The following PPP2R5C variants were observed in gnomAD, a reference collection of about 807,000 sequenced individuals.
PPP2R5C encodes protein phosphatase 2 regulatory subunit B'gamma, also known as serine/threonine-protein phosphatase 2A 56 kDa regulatory subunit gamma isoform.
A neutral mutation model predicts 68.9 loss-of-function variants in PPP2R5C; 7 were observed. The observed-to-expected ratio is 0.10, with a 90% confidence interval of 0.06 to 0.19. PPP2R5C has a LOEUF of 0.19. Ranked by LOEUF, PPP2R5C falls within the 10% of genes least tolerant of loss-of-function variation. PPP2R5C has a pLI of 1.00. For synonymous variants in PPP2R5C, 210 were observed against 222.2 expected (o/e 0.95, Z 0.49); for missense variants, 348 against 641.3 (o/e 0.54, Z 4.94).
At position 101,801,300 on chromosome 14, in the gene PPP2R5C, G is replaced by A. The variant is rs1376542481; in HGVS notation, c.259+15117G>A. Among the ~76,000 whole-genome samples, 3 of 152,074 alleles carry A rather than the reference G, an allele frequency of 2.0e-5. No individual in the cohort carries two copies. The East Asian group carries it at 5.8e-4, about 29-fold the overall frequency. ...CCTGGTCATTACACATTGTTAACAG[G>A]CATCAAAATATCACATGTCCCCTCC... On this transcript the variant is annotated intron_variant, in intron 3 of 14. Coordinates refer to the PPP2R5C transcript ENST00000328724.
intron 1 of PPP2R5C, among the ~76,000 whole-genome samples, chr14:101,848,207 A>G (rs1488247617): frequency 6.6e-6 from 1 of 152,192 alleles, no homozygotes; most frequent in African/African-American, 2.4e-5. Context: ...TAAATTCTTC[A>G]GCATGACACA....
chr14:101,901,710 C>A lies in PPP2R5C; in HGVS notation c.853-9C>A, dbSNP rs574420061. ...GCATCAGTCACTCCACGTGTCATTT[C>A]TTTTGTAGGTGGTGATGGCACTTCT... On this transcript the variant is annotated splice_polypyrimidine_tract_variant and intron_variant, in intron 8 of 13. Coordinates refer to ENST00000334743, the Ensembl canonical transcript of PPP2R5C. The A allele has an allele frequency of 1.9e-6, 3 of 1,612,756 alleles. No homozygotes were observed. Among genetic ancestry groups the A allele is most frequent in the South Asian group, 2.2e-5 (2 of 91,034 alleles).
intron 3 of PPP2R5C, 132 bp from the exon 6 acceptor site, chr14:101,883,125 C>T: frequency 1.6e-6 from 1 of 633,232 alleles, no homozygotes; most frequent in Non-Finnish European, 2.7e-6. Flanking sequence ...TGTAATTTAG[C>T]ATTAATTCTG....
intron 2 of PPP2R5C, among the ~76,000 whole-genome samples, chr14:101,776,056 GAAA>G (rs1382172894): frequency 8.9e-6 from 1 of 112,764 alleles, no homozygotes; most frequent in Admixed American, 1.2e-4. Context: ...CTTCCTCCTA[GAAA>G]ATGCAGCTGG....
chr14:101,761,930 G>A lies in PPP2R5C; in HGVS notation c.27+10G>A. 8.4e-7 allele frequency: 1 copy of A among 1,189,492 alleles called. No homozygotes were observed. The highest frequency in any genetic ancestry group is 1.1e-6 in the Non-Finnish European group (1 of 951,286). 73.7% of individuals were successfully genotyped at this position (1,189,492 alleles called of 1,614,324 possible). Reference sequence around the variant, plus strand: ...AAACAAGAAGGAGAAAGTGAGTCCGGGCCCGGCCGCGGGACGGAGGGAGCA... The same window carrying A: ...AAACAAGAAGGAGAAAGTGAGTCCGAGCCCGGCCGCGGGACGGAGGGAGCA... On this transcript the variant is annotated intron_variant, in intron 1 of 14. Transcript: ENST00000328724.
intron 10 of PPP2R5C, among the ~76,000 whole-genome samples, chr14:101,907,964 C>T (rs114589733): frequency 0.017 from 2,638 of 152,268 alleles, 38 homozygotes; most frequent in African/African-American, 0.038. Context: ...TGAGGGTTGC[C>T]GCCCAGAAAT....
chr14:101,841,728 AG>A (rs1002200111), intron 1 of PPP2R5C, among the ~76,000 whole-genome samples: 6 of 152,188 alleles, frequency 3.9e-5, no homozygotes, highest in African/African-American at 7.2e-5. Flanking sequence ...TCTGGGAGGC[AG>A]GGGAGGGGAG....
At chr14:101,851,756 G>A (rs1204253613) in intron 1 of PPP2R5C, among the ~76,000 whole-genome samples, 2 of 152,108 alleles carry the variant, frequency 1.3e-5, no homozygotes, top group African/African-American at 4.8e-5. Flanking sequence ...CCTTTATGGT[G>A]TCTTGGAGCA....
At position 101,825,115 on chromosome 14, in the gene PPP2R5C, A is replaced by G. The variant is rs1246721826; in HGVS notation, c.94+15079A>G. ...CTACACAAGGGGAAGTTGGGCTAAG[A>G]ATAAATTTGTTTTGGTTCCAGGATG... On this transcript the variant is annotated intron_variant, in intron 1 of 13. Transcript: ENST00000334743. The surrounding 1 kb of genome is among the most constrained non-coding windows in gnomAD (Gnocchi z 4.0). 6.6e-6 allele frequency among the ~76,000 whole-genome samples: 1 copy of G among 152,158 alleles called. No individual in the cohort carries two copies. The highest frequency in any genetic ancestry group is 1.5e-5 in the Non-Finnish European group (1 of 68,028).
chr14:101,908,589 G>A (rs1164082621), intron 10 of PPP2R5C, among the ~76,000 whole-genome samples: 3 of 151,970 alleles, frequency 2.0e-5, no homozygotes, highest in African/African-American at 4.8e-5. Flanking sequence ...GGCCAGGCTG[G>A]TCTTGAACTC....
rs1000273260 is a variant in PPP2R5C, at chr14:101,915,368, C to T, written c.1327-2463C>T. 6.6e-6 allele frequency among the ~76,000 whole-genome samples: 1 copy of T among 152,160 alleles called. No individual in the cohort carries two copies. Among genetic ancestry groups the T allele is most frequent in the African/African-American group, 2.4e-5 (1 of 41,430 alleles). On this transcript the variant is annotated intron_variant, in intron 12 of 13. Coordinates refer to ENST00000334743, the Ensembl canonical transcript of PPP2R5C. This position sits in a 1 kb window ranked among gnomAD's most constrained non-coding sequence, Gnocchi z 4.2. ...GTGCTGGGATTACAGGTGTGAGCCA[C>T]CGCACCTGGCCTTCAGTGAAGGTTT...
intron 2 of PPP2R5C, among the ~76,000 whole-genome samples, chr14:101,763,968 A>T (rs969455748): frequency 1.9e-4 from 29 of 151,954 alleles, no homozygotes; most frequent in Non-Finnish European, 3.1e-4. Flanking sequence ...ATTTGAAAAA[A>T]TTTACCTAGT....
chr14:101,814,613 C>T (rs979370299), intron 1 of PPP2R5C, among the ~76,000 whole-genome samples: 6 of 152,148 alleles, frequency 3.9e-5, no homozygotes, highest in African/African-American at 1.4e-4. Flanking sequence ...TGCCTTGCAG[C>T]AAAAGCTATC....
intron 9 of PPP2R5C, among the ~76,000 whole-genome samples, chr14:101,903,017 T>TG (rs2045790984): frequency 5.4e-5 from 4 of 74,536 alleles, no homozygotes; most frequent in Admixed American, 2.2e-4. Context: ...TGTTTTGGGT[T>TG]TTTTTTTTTT....
intron 6 of PPP2R5C, among the ~76,000 whole-genome samples, chr14:101,892,639 T>C (rs1371840761): frequency 6.6e-6 from 1 of 152,112 alleles, no homozygotes; most frequent in Non-Finnish European, 1.5e-5. Flanking sequence ...CACACACACA[T>C]ATGTATATAT....
intron 1 of PPP2R5C, chr14:101,843,718 T>TATC (rs776625352): frequency 2.4e-5 from 4 of 168,608 alleles, no homozygotes; most frequent in Admixed American, 6.3e-5. Flanking sequence ...TCAGTTTCCT[T>TATC]ATCATCATCA....
At chr14:101,805,125 G>A (rs1052296881), upstream of PPP2R5C, among the ~76,000 whole-genome samples, 2 of 152,120 alleles carry the variant, frequency 1.3e-5, no homozygotes, top group African/African-American at 4.8e-5. Flanking sequence ...ATGGAGTCTC[G>A]CCCTGTCACC....
intron 1 of PPP2R5C, chr14:101,820,630 G>A (rs191377086): frequency 6.6e-6 from 1 of 152,180 alleles, no homozygotes; most frequent in African/African-American, 2.4e-5. Flanking sequence ...CCCACCAGAC[G>A]TGTCTGTCTG....
intron 3 of PPP2R5C, among the ~76,000 whole-genome samples, chr14:101,788,654 C>G (rs990676498): frequency 6.6e-6 from 1 of 152,168 alleles, no homozygotes; most frequent in Non-Finnish European, 1.5e-5. Flanking sequence ...ATCCACATAT[C>G]CAGGAGAATT....
Sources: gnomAD v4.1 joint callset for allele counts (sites outside exome capture counted in the v4.1 genomes callset) on GRCh38, gnomAD v4.1.1 for gene constraint, Gnocchi (gnomAD v3.1) non-coding constraint, MANE v1.5 for transcripts, NCBI Gene and HGNC (gene_info 2026-07-23, HGNC 2026-07-21) for gene names.